TTC21A: variants seen among roughly 807,000 people sequenced by gnomAD.
TTC21A encodes the protein tetratricopeptide repeat protein 21A.
A neutral mutation model predicts 156.4 loss-of-function variants in TTC21A; 128 were observed. The observed-to-expected ratio is 0.82, with a 90% CI of 0.71 to 0.95. The LOEUF (loss-of-function observed/expected upper bound fraction) is 0.95, where lower values mean the gene tolerates loss of function less well. Ranked by LOEUF, TTC21A falls within the 40% of genes least tolerant of loss-of-function variation. TTC21A has a pLI of 0.00. For synonymous variants in TTC21A, 587 were observed against 617.1 expected (o/e 0.95, Z 0.72); for missense variants, 1,435 against 1,602.3 (o/e 0.90, Z 1.78).
chr3:39,112,645 C>G (rs1245445389), intron 5 of TTC21A, 65 bp downstream of exon 5: 7 of 1,587,006 alleles, frequency 4.4e-6, no homozygotes, highest in Non-Finnish European at 6.0e-6. Flanking sequence ...AGAGACCCAC[C>G]AGGTACCCCC....
intron 7 of TTC21A, chr3:39,118,468 C>A (rs1221644739): frequency 1.4e-5 from 6 of 442,650 alleles, no homozygotes; most frequent in Non-Finnish European, 1.7e-5. Flanking sequence ...AGACAGAATT[C>A]CACACAGGAC....
At chr3:39,118,181 A>G (rs1265352242) in intron 7 of TTC21A, 28 bp downstream of exon 7, 1 of 1,610,350 alleles carries the variant, frequency 6.2e-7, no homozygotes, top group African/African-American at 1.3e-5. Context: ...TCAGAAGGTG[A>G]TCCTTGAAAC....
At chr3:39,118,212 C>A (rs1309438814) in intron 7 of TTC21A, 59 bp downstream of exon 7, 2 of 1,549,526 alleles carry the variant, frequency 1.3e-6, no homozygotes, top group Non-Finnish European at 8.9e-7. Flanking sequence ...AGGAACCCTT[C>A]ATGACCTGTG....
At chr3:39,119,631 CA>C (rs56678795) in intron 7 of TTC21A, 39,337 of 130,280 alleles carry the variant, frequency 0.3, 3,883 homozygotes, top group African/African-American at 0.44. Flanking sequence ...AAGGAGCAGT[CA>C]AAAAAAAAAA....
Position 39,130,452 on chromosome 3 carries a change from A to G in TTC21A, c.2319+94A>G. 2.7e-6 allele frequency: 3 copies of G among 1,098,826 alleles called. No individual in the cohort carries two copies. Among genetic ancestry groups the G allele is most frequent in the African/African-American group, 1.6e-5 (1 of 63,460 alleles). The allele number at this position is 1,098,826 out of a possible 1,614,324, so 68.1% of individuals were successfully genotyped here. On this transcript the variant is annotated intron_variant, in intron 17 of 28. Coordinates refer to ENST00000683103, the MANE Select transcript of TTC21A (RefSeq NM_001366900.1). The surrounding 1 kb of genome is among the most constrained non-coding windows in gnomAD (Gnocchi z 4.5). Reference sequence around the variant, plus strand: ...TGACTGGGGAGCTCTGGGTGGGAGGAGAGTGGCTGACTTTTCACTCAGCTC... The same window carrying G: ...TGACTGGGGAGCTCTGGGTGGGAGGGGAGTGGCTGACTTTTCACTCAGCTC...
At chr3:39,110,467 CT>C in intron 3 of TTC21A, 1 of 504,718 alleles carries the variant, frequency 2.0e-6, no homozygotes, top group Non-Finnish European at 3.6e-6. Flanking sequence ...AATTCTACCC[CT>C]AATCTCCACA....
At chr3:39,122,890 C>A (rs532649915) in intron 9 of TTC21A, among the ~76,000 whole-genome samples, 43 of 152,310 alleles carry the variant, frequency 2.8e-4, no homozygotes, top group African/African-American at 1.0e-3. Flanking sequence ...CCAAGCTGAG[C>A]CCACCTGTAT....
rs770231475 is a variant in TTC21A, at chr3:39,133,190, G to A, written c.2701G>A (p.Ala901Thr). 1 of 1,614,242 alleles carries A rather than the reference G, an allele frequency of 6.2e-7. No homozygotes were observed. The highest frequency in any genetic ancestry group is 8.5e-7 in the Non-Finnish European group (1 of 1,180,040). Residue 901 changes from alanine (A) to threonine (T), a missense_variant, in exon 20 of 29, where the codon GCG (alanine) becomes ACG (threonine). Transcript: ENST00000683103. ...CCTGGCAGAGAAAGAGTATGACAAG[G>A]CGGTACAGTCTTATAAGGATGTCTT... ...HYLAEKEYDK[A>T]VQSYKDVFSY... is the part of the protein sequence containing the mutation.
At chr3:39,117,155 G>T (rs2037363623) in intron 6 of TTC21A, among the ~76,000 whole-genome samples, 1 of 152,094 alleles carries the variant, frequency 6.6e-6, no homozygotes, top group South Asian at 2.1e-4. Flanking sequence ...ATATCATTTG[G>T]CTCCAAGAAT....
rs766705223 is a variant in TTC21A at position 39,136,458 on chromosome 3, C to T, written c.3046C>T (p.Arg1016Trp). The change falls in exon 23 of 29, where the codon CGG (arginine) becomes TGG (tryptophan). Residue 1016 changes from arginine (R) to tryptophan (W), a missense_variant. Transcript: ENST00000683103. ...TGAATTGGCCAAGAAGGTGTCTAGC[C>T]GGGTGCCTTTGGAACCAGGGTTCAA... The part of the protein sequence containing the change: ...FFELAKKVSS[R>W]VPLEPGFNYC... 33 of 1,614,096 alleles carry T rather than the reference C, an allele frequency of 2.0e-5. No individual in the cohort carries two copies. The highest frequency in any genetic ancestry group is 1.7e-4 in the Admixed American group (10 of 60,006).
At position 39,133,038 on chromosome 3, in the gene TTC21A, A is replaced by T; in HGVS notation, c.2563-14A>T. On this transcript the variant is annotated splice_polypyrimidine_tract_variant and intron_variant, in intron 19 of 28. Coordinates refer to ENST00000683103, the MANE Select transcript of TTC21A (RefSeq NM_001366900.1). Reference sequence around the variant, plus strand: ...GCTCTGAGTTTCTGATCCTGGCTTGATTGGTTTCTCGAGGCCTTGGACCTC... The same window carrying T: ...GCTCTGAGTTTCTGATCCTGGCTTGTTTGGTTTCTCGAGGCCTTGGACCTC... 6.2e-7 allele frequency: 1 copy of T among 1,613,792 alleles called. No homozygotes were observed. The highest frequency in any genetic ancestry group is 8.5e-7 in the Non-Finnish European group (1 of 1,179,912).
Position 39,109,108 on chromosome 3 carries a change from G to A in TTC21A, c.51G>A (p.Gln17=), listed in dbSNP as rs760848359. The A allele has an allele frequency of 1.2e-6, 2 of 1,614,132 alleles. No homozygotes were observed. The highest frequency in any genetic ancestry group is 1.7e-6 in the Non-Finnish European group (2 of 1,179,958). ...AGGCTGGGATCATTTACTATAGCCA[G>A]GAAAAGTACTTCCACCATGTGCAGC... ...SLMAGIIYYS[Q]EKYFHHVQQA... The change falls in exon 2 of 29, where the codon CAG becomes CAA. Residue 17 remains glutamine (Q), a synonymous_variant. Coordinates refer to ENST00000683103, the MANE Select transcript of TTC21A (RefSeq NM_001366900.1).
At chr3:39,115,886 A>G (rs1299444313) in intron 6 of TTC21A, among the ~76,000 whole-genome samples, 1 of 152,124 alleles carries the variant, frequency 6.6e-6, no homozygotes, top group Non-Finnish European at 1.5e-5. Context: ...GAAGAATCCT[A>G]ATTCCTCTGC....
In TTC21A at chr3:39,130,669, G is replaced by A; in HGVS notation, c.2320-32G>A. 2 of 1,612,142 alleles carry A rather than the reference G, an allele frequency of 1.2e-6. No homozygotes were observed. The highest frequency in any genetic ancestry group is 1.7e-6 in the Non-Finnish European group (2 of 1,178,582). On this transcript the variant is annotated intron_variant, in intron 17 of 28. Transcript: ENST00000683103. This position sits in a 1 kb window ranked among gnomAD's most constrained non-coding sequence, Gnocchi z 4.5. ...GTCGGGCACTGAAGGGCAGAACCAGGCCAGAGGCTAATATTTACTGTTTGC... is the reference window on the plus strand; with the variant it reads ...GTCGGGCACTGAAGGGCAGAACCAGACCAGAGGCTAATATTTACTGTTTGC...
In TTC21A at chr3:39,137,508, T is replaced by C; in HGVS notation, c.3473T>C (p.Leu1158Pro). The C allele has an allele frequency of 1.2e-6, 2 of 1,614,250 alleles. No homozygotes were observed. The highest frequency in any genetic ancestry group is 8.5e-7 in the Non-Finnish European group (1 of 1,180,042). ...TAGAAGGACAGCGTCCCTGCCCTGC[T>C]GGCCTTGGCACAAGCCTACGTGTTC... ...QAEKDSVPAL[L>P]ALAQAYVFLK... Residue 1158 changes from leucine (L) to proline (P), a missense_variant, in exon 26 of 29, where the codon CTG (leucine) becomes CCG (proline). Leu to Pro is a moderately conservative substitution (Grantham distance 98, BLOSUM62 -3). Transcript: ENST00000683103.
chr3:39,121,332 T>G, intron 9 of TTC21A, 143 bp downstream of exon 9: 1 of 685,480 alleles, frequency 1.5e-6, no homozygotes, highest in Non-Finnish European at 2.5e-6. Context: ...TGGGGTATCT[T>G]TCTGGGAATC....
intron 12 of TTC21A, among the ~76,000 whole-genome samples, chr3:39,127,792 G>A (rs915042418): frequency 5.3e-5 from 8 of 152,200 alleles, no homozygotes; most frequent in African/African-American, 1.9e-4. Flanking sequence ...GGACGTAAAT[G>A]CCAACTTCGC....
intron 26 of TTC21A, 149 bp from the exon 27 acceptor site, chr3:39,138,118 G>A: frequency 1.7e-6 from 2 of 1,177,022 alleles, no homozygotes; most frequent in Non-Finnish European, 2.4e-6. Context: ...GCAAAGGTTG[G>A]GGTACCCCTG....
At chr3:39,135,019 A>ACCCCCCCCCCCCCCCCCCAC in intron 21 of TTC21A, 74 bp from the exon 22 acceptor site, 1 of 1,258,914 alleles carries the variant, frequency 7.9e-7, no homozygotes, top group Non-Finnish European at 1.2e-6. Context: ...TCACCCCCAT[A>ACCCCCCCCCCCCCCCCCCAC]CCCCCCGCCT....
Sources: gnomAD v4.1 joint callset for allele counts (sites outside exome capture counted in the v4.1 genomes callset) on GRCh38, gnomAD v4.1.1 for gene constraint, Gnocchi (gnomAD v3.1) non-coding constraint, MANE v1.5 for transcripts, NCBI Gene and HGNC (gene_info 2026-07-23, HGNC 2026-07-21) for gene names.